TMPRSS15: variants seen among roughly 807,000 people sequenced by gnomAD.
TMPRSS15 encodes transmembrane serine protease 15, also known as enteropeptidase.
TMPRSS15 carries 128 observed loss-of-function variants against 125.3 expected under a neutral mutation model. That is an observed-to-expected ratio of 1.02 (90% CI 0.89 to 1.18). TMPRSS15 has a LOEUF of 1.18. Among genes scored for constraint, TMPRSS15 ranks in the 50% most tolerant of loss-of-function variants. TMPRSS15 has a pLI of 0.00. For synonymous variants in TMPRSS15, 446 were observed against 423.2 expected (o/e 1.05, Z -0.66); for missense variants, 1,283 against 1,212.7 (o/e 1.06, Z -0.86).
At chr21:18,456,995 G>A (rs985857756) in intron 1 of TMPRSS15, among the ~76,000 whole-genome samples, 4 of 151,980 alleles carry the variant, frequency 2.6e-5, no homozygotes, top group South Asian at 2.1e-4. Flanking sequence ...TAGAATGTTA[G>A]GTTTAAAAAA....
chr21:18,412,934 A>G (rs1387880214), intron 1 of TMPRSS15, among the ~76,000 whole-genome samples: 1 of 152,152 alleles, frequency 6.6e-6, no homozygotes, highest in African/African-American at 2.4e-5. Context: ...ATCCTTGGAA[A>G]CGTTGTGTAA....
rs1008786124 is a variant in TMPRSS15, at chr21:18,305,296, C to T, written c.2166-7467G>A. The stretch of plus-strand genomic sequence containing the variant: ...CTCCGCCTCCCGGGTTCACGCCATT[C>T]TCCTGCCTCAGCCTCCCGAGTAGCT... On this transcript the variant is annotated intron_variant, in intron 18 of 24. Coordinates refer to ENST00000284885, the MANE Select transcript of TMPRSS15 (RefSeq NM_002772.3). 4.0e-5 allele frequency among the ~76,000 whole-genome samples: 6 copies of T among 150,246 alleles called. 1 individual carries two copies. The South Asian group carries it at 1.3e-3, about 32-fold the overall frequency.
intron 10 of TMPRSS15, among the ~76,000 whole-genome samples, chr21:18,347,870 T>G (rs898044286): frequency 3.9e-5 from 6 of 152,114 alleles, no homozygotes; most frequent in Non-Finnish European, 5.9e-5. Context: ...GTGGCTCCCA[T>G]CTGTAATCCC....
chr21:18,420,470 T>C (rs2076189976), intron 1 of TMPRSS15, among the ~76,000 whole-genome samples: 1 of 152,172 alleles, frequency 6.6e-6, no homozygotes, highest in Non-Finnish European at 1.5e-5. Flanking sequence ...TCTCAAGTTG[T>C]AGCGAAGGTT....
At chr21:18,437,557 A>C (rs543346977) in intron 1 of TMPRSS15, among the ~76,000 whole-genome samples, 1 of 152,334 alleles carries the variant, frequency 6.6e-6, no homozygotes, top group South Asian at 2.1e-4. Flanking sequence ...AATGGGAGAA[A>C]ATTTTCGCAA....
chr21:18,413,363 T>C (rs868744307), intron 1 of TMPRSS15, among the ~76,000 whole-genome samples: 58 of 117,216 alleles, frequency 4.9e-4, no homozygotes, highest in Admixed American at 2.1e-3. Flanking sequence ...TTCCTTCCTT[T>C]CCTTCCTTCC....
At chr21:18,418,899 G>C (rs1170447258) in intron 1 of TMPRSS15, among the ~76,000 whole-genome samples, 1 of 152,126 alleles carries the variant, frequency 6.6e-6, no homozygotes, top group Non-Finnish European at 1.5e-5. Flanking sequence ...TTATGGGATT[G>C]CCTCATTAAA....
intron 18 of TMPRSS15, 111 bp from the exon 19 acceptor site, chr21:18,297,940 C>T: frequency 1.3e-6 from 1 of 751,018 alleles, no homozygotes; most frequent in South Asian, 1.6e-5. Context: ...TTATGGGATA[C>T]CAGCCAAAAA....
At chr21:18,370,126 T>C (rs948943803) in intron 6 of TMPRSS15, among the ~76,000 whole-genome samples, 31 of 152,200 alleles carry the variant, frequency 2.0e-4, no homozygotes, top group African/African-American at 7.5e-4. Context: ...ACTATATTTT[T>C]AAAGCAAATT....
chr21:18,305,029 A>G (rs1255245054), intron 18 of TMPRSS15, among the ~76,000 whole-genome samples: 1 of 152,102 alleles, frequency 6.6e-6, no homozygotes, highest in Non-Finnish European at 1.5e-5. Flanking sequence ...CACATAAACA[A>G]AGGTTGAGAG....
chr21:18,344,592 C>T lies in TMPRSS15; in HGVS notation c.1172-532G>A, dbSNP rs536342351. On this transcript the variant is annotated intron_variant, in intron 10 of 24. Transcript: ENST00000284885. ...TCTTATCTTTCTTTATTCCTATGAA[C>T]GATAAGTAATCAGATCACTGAGAAG... Among the ~76,000 whole-genome samples, 16 of 152,182 alleles carry T rather than the reference C, an allele frequency of 1.1e-4. No homozygotes were observed. In the East Asian group the frequency reaches 2.5e-3, roughly 24 times the overall value.
chr21:18,472,038 A>AT (rs1235551235), intron 1 of TMPRSS15, among the ~76,000 whole-genome samples: 3 of 152,004 alleles, frequency 2.0e-5, no homozygotes, highest in African/African-American at 4.8e-5. Context: ...AGAATAATCC[A>AT]TTTTTTTCTC....
intron 8 of TMPRSS15, among the ~76,000 whole-genome samples, chr21:18,356,283 A>G (rs1165801690): frequency 1.3e-5 from 2 of 151,862 alleles, no homozygotes; most frequent in Admixed American, 1.3e-4. Context: ...ATAGGATTCA[A>G]CAGATCTAGT....
chr21:18,456,512 T>C (rs1978444037), intron 1 of TMPRSS15, among the ~76,000 whole-genome samples: 1 of 152,070 alleles, frequency 6.6e-6, no homozygotes, highest in African/African-American at 2.4e-5. Context: ...TTAGAGGGAA[T>C]TTGAGACTAG....
intron 3 of TMPRSS15, among the ~76,000 whole-genome samples, chr21:18,395,388 A>C (rs935414306): frequency 7.9e-5 from 12 of 152,226 alleles, no homozygotes; most frequent in African/African-American, 2.9e-4. Flanking sequence ...ACCACACATT[A>C]ATAATTCACG....
At chr21:18,304,072 T>C (rs1367265431) in intron 18 of TMPRSS15, among the ~76,000 whole-genome samples, 30 of 152,218 alleles carry the variant, frequency 2.0e-4, no homozygotes, top group Non-Finnish European at 7.3e-5. Flanking sequence ...ATGATATCCT[T>C]CTCAGATTTC....
intron 20 of TMPRSS15, 23 bp from the exon 21 acceptor site, chr21:18,294,467 A>G (rs937119990): frequency 1.9e-6 from 3 of 1,614,042 alleles, no homozygotes; most frequent in Non-Finnish European, 1.7e-6. Context: ...TTGGAGAAAG[A>G]GCATCTATTT....
chr21:18,439,382 A>C (rs538755736), intron 1 of TMPRSS15, among the ~76,000 whole-genome samples: 14 of 152,332 alleles, frequency 9.2e-5, no homozygotes, highest in Admixed American at 1.3e-4. Flanking sequence ...ATAACAATGC[A>C]GAATAACCTA....
intron 13 of TMPRSS15, among the ~76,000 whole-genome samples, chr21:18,339,124 C>T (rs2075422854): frequency 6.6e-6 from 1 of 152,062 alleles, no homozygotes; most frequent in African/African-American, 2.4e-5. Flanking sequence ...GTTATTGCTA[C>T]ATCTTACATT....
Sources: gnomAD v4.1 joint callset for allele counts (sites outside exome capture counted in the v4.1 genomes callset) on GRCh38, gnomAD v4.1.1 for gene constraint, MANE v1.5 for transcripts, NCBI Gene and HGNC (gene_info 2026-07-23, HGNC 2026-07-21) for gene names.